FAF1: variants seen among roughly 807,000 people sequenced by gnomAD.
FAF1 encodes the protein FAS-associated factor 1.
Under a neutral mutation model 92.5 loss-of-function variants are expected in FAF1, and 25 were observed. The observed-to-expected ratio is 0.27, with a 90% CI of 0.20 to 0.38. The LOEUF (loss-of-function observed/expected upper bound fraction) is 0.38. Among genes scored for constraint, FAF1 ranks in the 10% least tolerant of loss-of-function variants. The pLI, the probability that FAF1 is intolerant of heterozygous loss-of-function variation, is 1.00. For synonymous variants in FAF1, 234 were observed against 273.2 expected (o/e 0.86, Z 1.42); for missense variants, 636 against 793.3 (o/e 0.80, Z 2.38).
chr1:50,730,783 T>C (rs1658880569), intron 6 of FAF1, among the ~76,000 whole-genome samples: 1 of 152,232 alleles, frequency 6.6e-6, no homozygotes, highest in Admixed American at 6.5e-5. Context: ...GCTTCCTTTA[T>C]CAGGACCATT....
chr1:50,686,709 A>G (rs1025029062), intron 7 of FAF1, among the ~76,000 whole-genome samples: 11 of 152,204 alleles, frequency 7.2e-5, no homozygotes, highest in Non-Finnish European at 8.8e-5. Context: ...ACTGTATCCA[A>G]CATTACAAAG....
intron 15 of FAF1, among the ~76,000 whole-genome samples, chr1:50,519,031 C>A (rs1647347635): frequency 6.6e-6 from 1 of 152,016 alleles, no homozygotes; most frequent in Non-Finnish European, 1.5e-5. Flanking sequence ...AAAAGCAAAT[C>A]TATTAAAATA....
chr1:50,517,564 A>G (rs1381998796), intron 15 of FAF1, among the ~76,000 whole-genome samples: 3 of 152,186 alleles, frequency 2.0e-5, no homozygotes, highest in East Asian at 1.9e-4. Context: ...GAAACTGGCA[A>G]TAGGTCAGAG....
At chr1:50,897,643 A>G (rs1360699063) in intron 1 of FAF1, among the ~76,000 whole-genome samples, 1 of 152,216 alleles carries the variant, frequency 6.6e-6, no homozygotes, top group East Asian at 1.9e-4. Flanking sequence ...AAACATTTCT[A>G]ATTTTATAGA....
chr1:50,638,233 AACT>A (rs1002522869), intron 8 of FAF1, among the ~76,000 whole-genome samples: 2 of 152,126 alleles, frequency 1.3e-5, no homozygotes, highest in Non-Finnish European at 2.9e-5. Context: ...CCAAGAAACA[AACT>A]ACTAAATATT....
chr1:50,587,708 C>T (rs1651302982), intron 9 of FAF1, among the ~76,000 whole-genome samples: 2 of 152,144 alleles, frequency 1.3e-5, no homozygotes, highest in Non-Finnish European at 2.9e-5. Context: ...CTGTTAAGTG[C>T]TACGCTGTTT....
chr1:50,873,929 T>C (rs1557569416), intron 1 of FAF1, among the ~76,000 whole-genome samples: 1 of 152,166 alleles, frequency 6.6e-6, no homozygotes, highest in African/African-American at 2.4e-5. Context: ...AGGTCTTATA[T>C]CTCATCTCCA....
chr1:50,721,338 C>T (rs993366906), intron 6 of FAF1, among the ~76,000 whole-genome samples: 5 of 152,034 alleles, frequency 3.3e-5, no homozygotes, highest in African/African-American at 1.2e-4. Context: ...CCTCAGCCTC[C>T]AGAGTAGCTG....
chr1:50,840,604 A>T (rs1445424724), intron 2 of FAF1, among the ~76,000 whole-genome samples: 1 of 151,996 alleles, frequency 6.6e-6, no homozygotes, highest in Non-Finnish European at 1.5e-5. Context: ...TATACTTTAG[A>T]TTTATGTATT....
intron 17 of FAF1, among the ~76,000 whole-genome samples, chr1:50,477,529 A>C (rs189704290): frequency 2.1e-4 from 32 of 152,290 alleles, no homozygotes; most frequent in Non-Finnish European, 1.9e-4. Flanking sequence ...TTCTGATAGC[A>C]TGAGTAGCAG....
chr1:50,729,147 C>A (rs1329391674), intron 6 of FAF1, among the ~76,000 whole-genome samples: 2 of 150,424 alleles, frequency 1.3e-5, no homozygotes, highest in Non-Finnish European at 3.0e-5. Flanking sequence ...CCTGCGCCTC[C>A]CGGGTTCAAG....
At chr1:50,490,447 G>GAAAAT (rs1557966710) in intron 17 of FAF1, 141 bp downstream of exon 17, 1 of 325,312 alleles carries the variant, frequency 3.1e-6, no homozygotes, top group African/African-American at 3.3e-5. Flanking sequence ...AAGGAAGGAA[G>GAAAAT]GAAGGAAGGA....
intron 1 of FAF1, among the ~76,000 whole-genome samples, chr1:50,880,243 C>T (rs1644600784): frequency 6.6e-6 from 1 of 151,886 alleles, no homozygotes; most frequent in African/African-American, 2.4e-5. Context: ...ATATTCATGT[C>T]TTGATTAAGA....
chr1:50,758,989 C>G (rs1245670370), intron 4 of FAF1, among the ~76,000 whole-genome samples: 1 of 151,912 alleles, frequency 6.6e-6, no homozygotes, highest in Non-Finnish European at 1.5e-5. Flanking sequence ...ACTACAGGCA[C>G]CAGCCACCAC....
rs567484024 is a variant in FAF1, at chr1:50,467,311, C to T, written c.1869+8153G>A. Among the ~76,000 whole-genome samples the T allele has an allele frequency of 4.6e-5, 7 of 152,178 alleles. No individual in the cohort carries two copies. In the East Asian group the frequency reaches 1.4e-3, roughly 29 times the overall value. ...TATGTAACACTGAGCTTCATTTACA[C>T]ATTGAAAGTATTTTTCTTTTTGGGA... On this transcript the variant is annotated intron_variant, in intron 18 of 18. Coordinates refer to ENST00000396153, the MANE Select transcript of FAF1 (RefSeq NM_007051.3).
chr1:50,574,791 A>G (rs1650632196), intron 12 of FAF1, among the ~76,000 whole-genome samples: 2 of 151,900 alleles, frequency 1.3e-5, no homozygotes, highest in Admixed American at 1.3e-4. Context: ...ATACATGTTC[A>G]GTAGCTTTTT....
rs192447680 is a variant in FAF1, at chr1:50,836,469, G to A, written c.114+21460C>T. Among the ~76,000 whole-genome samples, 18 of 152,108 alleles carry A rather than the reference G, an allele frequency of 1.2e-4. No homozygotes were observed. In the East Asian group the frequency reaches 3.3e-3, roughly 28 times the overall value. Reference sequence around the variant, plus strand: ...ATGGTAATGTTAGGGACAAAAATTGGACCAAAATAGTAAGTTGCACTGTCC... The same window carrying A: ...ATGGTAATGTTAGGGACAAAAATTGAACCAAAATAGTAAGTTGCACTGTCC... On this transcript the variant is annotated intron_variant, in intron 2 of 18. Transcript: ENST00000396153.
At chr1:50,804,323 C>G (rs1662110887) in intron 2 of FAF1, among the ~76,000 whole-genome samples, 1 of 152,056 alleles carries the variant, frequency 6.6e-6, no homozygotes, top group South Asian at 2.1e-4. Flanking sequence ...ATAAACGAAG[C>G]CCTAGAAATA....
intron 1 of FAF1, among the ~76,000 whole-genome samples, chr1:50,901,764 G>A (rs1644798680): frequency 6.6e-6 from 1 of 151,932 alleles, no homozygotes; most frequent in African/African-American, 2.4e-5. Flanking sequence ...ACTAGGGAAG[G>A]TGAGGCTGGA....
Sources: gnomAD v4.1 joint callset for allele counts (sites outside exome capture counted in the v4.1 genomes callset) on GRCh38, gnomAD v4.1.1 for gene constraint, MANE v1.5 for transcripts, NCBI Gene and HGNC (gene_info 2026-07-23, HGNC 2026-07-21) for gene names.